CEACAM8: variants seen among roughly 807,000 people sequenced by gnomAD.
CEACAM8 encodes CEA cell adhesion molecule 8, also known as cell adhesion molecule CEACAM8.
A neutral mutation model predicts 33.4 loss-of-function variants in CEACAM8; 31 were observed. The ratio of observed to expected loss-of-function variants is 0.93; its 90% confidence interval spans 0.70 to 1.25. CEACAM8 has a LOEUF of 1.25. Ranked by LOEUF, CEACAM8 falls within the 50% of genes most tolerant of loss-of-function variation. CEACAM8 has a pLI of 0.00. For synonymous variants in CEACAM8, 138 were observed against 164.5 expected (o/e 0.84, Z 1.23); for missense variants, 388 against 434.6 (o/e 0.89, Z 0.95).
In CEACAM8 at chr19:42,589,687, T is replaced by C; in HGVS notation, c.473A>G (p.Glu158Gly). The change falls in exon 3 of 6, where the codon GAG (glutamate) becomes GGG (glycine). Residue 158 changes from glutamate to glycine, a missense_variant. Physicochemically the swap from Glu to Gly is moderately conservative, Grantham distance 98 (BLOSUM62 -2). Transcript: ENST00000244336. The part of the protein sequence containing the change: ...SISSNNSNPV[E>G]DKDAVAFTCE... ...GGTGAAGGCCACAGCATCCTTGTCC[T>C]CCACGGGGTTGGAGTTGTTGCTGGA... The C allele has an allele frequency of 6.2e-7, 1 of 1,614,188 alleles. No homozygotes were observed. The highest frequency in any genetic ancestry group is 8.5e-7 in the Non-Finnish European group (1 of 1,180,032).
chr19:42,588,626 T>A (rs2042375984), intron 4 of CEACAM8, among the ~76,000 whole-genome samples, 158 bp downstream of exon 4: 2 of 151,356 alleles, frequency 1.3e-5, no homozygotes, highest in Admixed American at 1.3e-4. Context: ...CAGAAGAGAG[T>A]CTATAGAGAT....
At chr19:42,582,282 G>A (rs2042272371) in intron 5 of CEACAM8, among the ~76,000 whole-genome samples, 1 of 151,846 alleles carries the variant, frequency 6.6e-6, no homozygotes, top group Admixed American at 6.6e-5. Context: ...TCCAATGTGT[G>A]GCTATATTTC....
intron 1 of CEACAM8, 64 bp downstream of exon 1, chr19:42,594,701 A>C: frequency 1.5e-6 from 2 of 1,358,684 alleles, no homozygotes; most frequent in Non-Finnish European, 1.0e-6. Context: ...CGTCCTCCCC[A>C]GGAGACCCCA....
rs146608676 is a variant in CEACAM8 at position 42,593,884 on chromosome 19, G to A, written c.81C>T (p.Phe27=). The A allele has an allele frequency of 1.1e-5, 18 of 1,592,494 alleles. No homozygotes were observed. In the African/African-American group the frequency reaches 2.2e-4, roughly 19 times the overall value. Residue 27 remains phenylalanine, a synonymous_variant, in exon 2 of 6, where the codon TTC becomes TTT. Transcript: ENST00000244336. Reference sequence around the variant, plus strand: ...GCTGAGCAGTGGTGGGCGGGTTCCAGAAGGTGAAAAGTGAGGCTAGGAGGG... The same window carrying A: ...GCTGAGCAGTGGTGGGCGGGTTCCAAAAGGTGAAAAGTGAGGCTAGGAGGG... ...GLLLTASLFT[F]WNPPTTAQLT... is the part of the protein sequence containing the mutation.
chr19:42,588,962 A>G lies in CEACAM8; in HGVS notation c.780T>C (p.His260=), dbSNP rs776631907. 8 of 1,614,094 alleles carry G rather than the reference A, an allele frequency of 5.0e-6. No homozygotes were observed. The highest frequency in any genetic ancestry group is 1.6e-4 in the Middle Eastern group (1 of 6,084). The change falls in exon 4 of 6, where the codon CAT becomes CAC. Residue 260 remains histidine, a synonymous_variant. Coordinates refer to ENST00000244336, the MANE Select transcript of CEACAM8 (RefSeq NM_001816.4). The part of the protein sequence containing the change: ...HAGVNLNLSC[H]AASNPPSQYS... ...ACTGTGAGGGTGGATTAGAGGCCGC[A>G]TGGCAGGAGAGGTTGAGATTTACCC...
In CEACAM8 at chr19:42,588,993, T is replaced by C. The variant is rs766720587; in HGVS notation, c.749A>G (p.His250Arg). The stretch of plus-strand genomic sequence containing the variant: ...GGAGAGGTTGAGATTTACCCCTGCA[T>C]GGTAATAGGTGTCTGAAGGGGAAAT... ...PTISPSDTYY[H>R]AGVNLNLSCH... Residue 250 changes from histidine to arginine, a missense_variant, in exon 4 of 6, where the codon CAT becomes CGT. Transcript: ENST00000244336. The C allele has an allele frequency of 1.5e-5, 25 of 1,613,974 alleles. No homozygotes were observed. In the African/African-American group the frequency reaches 3.2e-4, roughly 21 times the overall value.
Position 42,594,885 on chromosome 19 carries a change from T to A in CEACAM8, c.-57A>T, listed in dbSNP as rs2070640237. On this transcript the variant is annotated 5_prime_UTR_variant, in exon 1 of 6. Transcript: ENST00000244336. ...GAGATGAGCCTGGGATCCAGAAACT[T>A]TCTGAGCACGGCTGTCAGCTGTGCT... 6.4e-7 allele frequency: 1 copy of A among 1,558,614 alleles called. No homozygotes were observed.
chr19:42,594,127 C>A (rs111899991), intron 1 of CEACAM8, among the ~76,000 whole-genome samples: 121 of 152,318 alleles, frequency 7.9e-4, no homozygotes, highest in African/African-American at 2.8e-3. Context: ...CCACACTGCC[C>A]TCAGATCCTG....
In CEACAM8 at chr19:42,583,251, T is replaced by A. The variant is rs2042283795; in HGVS notation, c.1045A>T (p.Ile349Leu). The change falls in exon 5 of 6, where the codon ATA (isoleucine) becomes TTA (leucine). Residue 349 changes from isoleucine to leucine, a missense_variant. Transcript: ENST00000244336. The stretch of plus-strand genomic sequence containing the variant: ...CAGAAACTACACCAGAGCTACTATA[T>A]CAGAGCCACCCTGGCCAGTACTCCA... The part of the protein sequence containing the change: ...MIGVLARVAL[I>L] 1.2e-6 allele frequency: 2 copies of A among 1,603,804 alleles called. No homozygotes were observed. The highest frequency in any genetic ancestry group is 1.3e-5 in the African/African-American group (1 of 74,354).
In CEACAM8 at chr19:42,580,752, T is replaced by A. The variant is rs2042248967; in HGVS notation, c.*642A>T. On this transcript the variant is annotated 3_prime_UTR_variant, in exon 6 of 6. Coordinates refer to ENST00000244336, the MANE Select transcript of CEACAM8 (RefSeq NM_001816.4). ...CTTAAAAGATAAAGAAATTCATAAA[T>A]CTGAAAAAGAAAACACTTAAAGAAT... 1.3e-5 allele frequency: 2 copies of A among 152,100 alleles called. No individual in the cohort carries two copies. The highest frequency in any genetic ancestry group is 2.9e-5 in the Non-Finnish European group (2 of 68,012). The allele number at this position is 152,100 out of a possible 1,614,324, so 9.4% of individuals were successfully genotyped here.
intron 4 of CEACAM8, 139 bp downstream of exon 4, chr19:42,588,645 A>C (rs1600294738): frequency 1.1e-6 from 1 of 904,418 alleles, no homozygotes; most frequent in East Asian, 2.4e-5. Flanking sequence ...ATAAACTGGG[A>C]GGGTTTAGGA....
chr19:42,583,986 T>C (rs2042294577), intron 4 of CEACAM8, among the ~76,000 whole-genome samples: 1 of 152,218 alleles, frequency 6.6e-6, no homozygotes, highest in African/African-American at 2.4e-5. Flanking sequence ...CTCTCACACC[T>C]GCCCCATTTT....
intron 5 of CEACAM8, 55 bp downstream of exon 5, chr19:42,583,151 C>T: frequency 1.3e-6 from 1 of 782,694 alleles, no homozygotes; most frequent in Non-Finnish European, 2.2e-6. Flanking sequence ...GGTCTCTCTC[C>T]CAAGCATGGC....
rs748987347 is a variant in CEACAM8, at chr19:42,589,655, G to A, written c.505C>T (p.Pro169Ser). The change falls in exon 3 of 6, where the codon CCT becomes TCT. Residue 169 changes from proline (P) to serine (S), a missense_variant. Transcript: ENST00000244336. Reference sequence around the variant, plus strand: ...AGGTAGGTTGTGTTCTGAGTCTCAGGTTCACAGGTGAAGGCCACAGCATCC... The same window carrying A: ...AGGTAGGTTGTGTTCTGAGTCTCAGATTCACAGGTGAAGGCCACAGCATCC... ...DKDAVAFTCE[P>S]ETQNTTYLWW... The A allele has an allele frequency of 1.9e-5, 30 of 1,614,112 alleles. No individual in the cohort carries two copies. The South Asian group carries it at 3.1e-4, about 17-fold the overall frequency.
chr19:42,581,881 T>G (rs2042261248), intron 5 of CEACAM8, among the ~76,000 whole-genome samples: 1 of 74,356 alleles, frequency 1.3e-5, no homozygotes, highest in Non-Finnish European at 2.4e-5. Flanking sequence ...GGAGCGAGAC[T>G]CCGTCTCAAA....
chr19:42,592,597 C>CAAAAAAAAAAA (rs922130468), intron 2 of CEACAM8, among the ~76,000 whole-genome samples: 54 of 41,684 alleles, frequency 1.3e-3, no homozygotes, highest in African/African-American at 1.9e-3. Flanking sequence ...GACTCCGTCT[C>CAAAAAAAAAAA]AAAAAAAAAA....
chr19:42,594,018 T>TG lies in CEACAM8; in HGVS notation c.65-119dup, dbSNP rs2042498201. 5.5e-6 allele frequency: 6 copies of TG among 1,090,736 alleles called. No homozygotes were observed. In the Admixed American group the frequency reaches 9.6e-5, roughly 17 times the overall value. The allele number at this position is 1,090,736 out of a possible 1,614,324, so 67.6% of individuals were successfully genotyped here. On this transcript the variant is annotated intron_variant, in intron 1 of 5. Coordinates refer to ENST00000244336, the MANE Select transcript of CEACAM8 (RefSeq NM_001816.4). ...GTGTGTGTATGTGTGTGTGTCCTAC[T>TG]GAGTCAATGTCAGCAGCACAGCCCC...
At chr19:42,581,946 T>TATATATATATATATATATATAA (rs765190705) in intron 5 of CEACAM8, among the ~76,000 whole-genome samples, 6 of 84,092 alleles carry the variant, frequency 7.1e-5, no homozygotes, top group African/African-American at 2.8e-4. Flanking sequence ...TATATATATA[T>TATATATATATATATATATATAA]AAAATAAGGT....
In CEACAM8 at chr19:42,589,002, G is replaced by A. The variant is rs758179664; in HGVS notation, c.740C>T (p.Thr247Ile). Residue 247 changes from threonine to isoleucine, a missense_variant, in exon 4 of 6, where the codon ACC becomes ATC. By Grantham distance (89) the Thr-to-Ile change is moderately conservative. Transcript: ENST00000244336. ...PDAPTISPSD[T>I]YYHAGVNLNL... ...GAGATTTACCCCTGCATGGTAATAG[G>A]TGTCTGAAGGGGAAATGGTGGGGGC... The A allele has an allele frequency of 6.9e-5, 111 of 1,613,978 alleles. No individual in the cohort carries two copies. The highest frequency in any genetic ancestry group is 9.3e-5 in the Non-Finnish European group (110 of 1,179,928).
Sources: gnomAD v4.1 joint callset for allele counts (sites outside exome capture counted in the v4.1 genomes callset) on GRCh38, gnomAD v4.1.1 for gene constraint, MANE v1.5 for transcripts, NCBI Gene and HGNC (gene_info 2026-07-23, HGNC 2026-07-21) for gene names.